The following ZNRF3 variants were observed in gnomAD, a reference collection of about 807,000 sequenced individuals.
ZNRF3 encodes the protein zinc and ring finger 3.
A neutral mutation model predicts 72.5 loss-of-function variants in ZNRF3; 23 were observed. The ratio of observed to expected loss-of-function variants is 0.32; its 90% CI spans 0.23 to 0.45. ZNRF3 has a LOEUF of 0.45. ZNRF3 is among the 20% of genes least tolerant of loss of function. The pLI, the probability that ZNRF3 is intolerant of heterozygous loss-of-function variation, is 1.00. For synonymous variants in ZNRF3, 610 were observed against 545.3 expected (o/e 1.12, Z -1.65); for missense variants, 1,169 against 1,272.1 (o/e 0.92, Z 1.23).
intron 1 of ZNRF3, among the ~76,000 whole-genome samples, chr22:28,921,552 C>T (rs58162235): frequency 0.018 from 2,738 of 152,326 alleles, 90 homozygotes; most frequent in African/African-American, 0.063. Flanking sequence ...ATGCAGCACC[C>T]AGTTGCCTCT....
At chr22:28,979,021 A>G (rs922078079) in intron 1 of ZNRF3, among the ~76,000 whole-genome samples, 1 of 152,008 alleles carries the variant, frequency 6.6e-6, no homozygotes, top group Non-Finnish European at 1.5e-5. Flanking sequence ...AGTTTGCTGT[A>G]ACTATCACGT....
At chr22:28,963,260 C>G (rs1023526916) in intron 1 of ZNRF3, among the ~76,000 whole-genome samples, 1 of 152,128 alleles carries the variant, frequency 6.6e-6, no homozygotes, top group African/African-American at 2.4e-5. Context: ...GCAGAGGGCC[C>G]CAGAGAGGGA....
intron 1 of ZNRF3, among the ~76,000 whole-genome samples, chr22:28,907,768 C>A (rs538812443): frequency 6.6e-6 from 1 of 152,322 alleles, no homozygotes; most frequent in East Asian, 1.9e-4. Context: ...CTGCCCACAG[C>A]GCATGGTGCA....
intron 2 of ZNRF3, among the ~76,000 whole-genome samples, chr22:28,999,163 CAA>C (rs10601140): frequency 0.035 from 2,210 of 63,386 alleles, 58 homozygotes; most frequent in African/African-American, 0.074. Flanking sequence ...AATAAAAATA[CAA>C]AAAAAAAAAA....
chr22:28,947,065 G>A (rs1390543903), intron 1 of ZNRF3, among the ~76,000 whole-genome samples: 1 of 152,214 alleles, frequency 6.6e-6, no homozygotes, highest in Non-Finnish European at 1.5e-5. Context: ...CATCATTTGG[G>A]AGAGACTAGT....
intron 1 of ZNRF3, among the ~76,000 whole-genome samples, chr22:28,897,809 T>C (rs758059495): frequency 4.6e-5 from 7 of 152,150 alleles, no homozygotes; most frequent in Non-Finnish European, 7.4e-5. Flanking sequence ...GCACTCCATC[T>C]CCCTATTGTC....
In ZNRF3 at chr22:29,053,629, G is replaced by C; in HGVS notation, c.*7G>C. 1 of 1,612,862 alleles carries C rather than the reference G, an allele frequency of 6.2e-7. No individual in the cohort carries two copies. Among genetic ancestry groups the C allele is most frequent in the East Asian group, 2.2e-5 (1 of 44,822 alleles). ...CAGCAGCCCGGGAGCCTGAGCTCAG[G>C]AGGAACTCTTACCTGGAAATTGGGA... On this transcript the variant is annotated 3_prime_UTR_variant, in exon 9 of 9. Transcript: ENST00000544604.
chr22:28,886,268 GA>G (rs532552679), intron 1 of ZNRF3, among the ~76,000 whole-genome samples: 1 of 152,220 alleles, frequency 6.6e-6, no homozygotes, highest in Non-Finnish European at 1.5e-5. Context: ...TGGCAGCCCT[GA>G]AAAAGTTTTT....
At chr22:28,957,960 G>C (rs1415278985) in intron 1 of ZNRF3, among the ~76,000 whole-genome samples, 1 of 151,920 alleles carries the variant, frequency 6.6e-6, no homozygotes, top group Non-Finnish European at 1.5e-5. Flanking sequence ...GGCCGAGGCG[G>C]GCGGATCACA....
In ZNRF3 at chr22:28,944,139, G is replaced by A. The variant is rs552760842; in HGVS notation, c.301-42937G>A. On this transcript the variant is annotated intron_variant, in intron 1 of 8. Coordinates refer to ENST00000544604, the MANE Select transcript of ZNRF3 (RefSeq NM_001206998.2). ...AATAGATATTTACACACTGCTGGTG[G>A]GGAGGGTGGCTTGTAGCAGTACAAT... Among the ~76,000 whole-genome samples the A allele has an allele frequency of 3.3e-5, 5 of 152,250 alleles. No homozygotes were observed. In the South Asian group the frequency reaches 1.0e-3, roughly 32 times the overall value.
chr22:28,962,524 C>A (rs896370271), intron 1 of ZNRF3, among the ~76,000 whole-genome samples: 1 of 152,212 alleles, frequency 6.6e-6, no homozygotes, highest in African/African-American at 2.4e-5. Flanking sequence ...TATACTGACT[C>A]TCGTAGAGGT....
At chr22:28,889,915 T>A (rs140980794) in intron 1 of ZNRF3, among the ~76,000 whole-genome samples, 6 of 152,272 alleles carry the variant, frequency 3.9e-5, no homozygotes, top group Admixed American at 3.9e-4. Context: ...CTGGACCCCA[T>A]GGGGTCTGTT....
chr22:28,887,885 C>T (rs76356447), intron 1 of ZNRF3, among the ~76,000 whole-genome samples: 1 of 152,122 alleles, frequency 6.6e-6, no homozygotes, highest in Non-Finnish European at 1.5e-5. Context: ...GATTAAACAC[C>T]GGCTAGTGGT....
chr22:29,045,719 C>T (rs992994324), intron 5 of ZNRF3, among the ~76,000 whole-genome samples: 19 of 152,276 alleles, frequency 1.2e-4, no homozygotes, highest in East Asian at 1.9e-4. Context: ...TCATGTGATC[C>T]GCCCGCCTCG....
At chr22:28,946,533 T>G (rs1236056265) in intron 1 of ZNRF3, among the ~76,000 whole-genome samples, 1 of 152,252 alleles carries the variant, frequency 6.6e-6, no homozygotes, top group African/African-American at 2.4e-5. Flanking sequence ...ACTGGTTGTT[T>G]ATGAGAAAGT....
intron 2 of ZNRF3, among the ~76,000 whole-genome samples, chr22:28,988,585 T>G (rs2035897477): frequency 6.6e-6 from 1 of 152,194 alleles, no homozygotes; most frequent in South Asian, 2.1e-4. Context: ...ATCGAGGTGT[T>G]TTAGGTGGCT....
chr22:28,886,957 A>AAAAC (rs375323604), intron 1 of ZNRF3, among the ~76,000 whole-genome samples: 4,277 of 152,230 alleles, frequency 0.028, 179 homozygotes, highest in African/African-American at 0.092. Flanking sequence ...CACTCTCTCA[A>AAAAC]AAACAAACAA....
chr22:28,898,721 T>G (rs2034046920), intron 1 of ZNRF3, among the ~76,000 whole-genome samples: 1 of 152,218 alleles, frequency 6.6e-6, no homozygotes, highest in Non-Finnish European at 1.5e-5. Flanking sequence ...GCATGGGCCT[T>G]GATCCTGTGT....
Position 29,030,779 on chromosome 22 carries a change from G to T in ZNRF3, c.427-11716G>T, listed in dbSNP as rs1329738361. Among the ~76,000 whole-genome samples, 6 of 152,198 alleles carry T rather than the reference G, an allele frequency of 3.9e-5. No individual in the cohort carries two copies. The highest frequency in any genetic ancestry group is 1.4e-4 in the African/African-American group (6 of 41,532). On this transcript the variant is annotated intron_variant, in intron 2 of 8. Transcript: ENST00000544604. The surrounding 1 kb of genome is among the most constrained non-coding windows in gnomAD (Gnocchi z 4.2). The stretch of plus-strand genomic sequence containing the variant: ...GGGACCCTGCAGGGCGGTACACGAC[G>T]GGTGGGAGTGGGGAGGAGGAGGGCT...
Sources: allele counts gnomAD v4.1 joint callset (sites outside exome capture counted in the v4.1 genomes callset), GRCh38; gene constraint gnomAD v4.1.1; non-coding constraint Gnocchi (gnomAD v3.1); transcripts MANE v1.5; gene names NCBI Gene and HGNC (gene_info 2026-07-23, HGNC 2026-07-21).